The following PTPRD variants were observed in gnomAD, a reference collection of about 807,000 sequenced individuals.
The protein encoded by PTPRD is protein tyrosine phosphatase receptor type D.
PTPRD carries 34 observed loss-of-function variants against 214.5 expected under a neutral mutation model. That is an observed-to-expected ratio of 0.16 (90% CI 0.12 to 0.21). The LOEUF (loss-of-function observed/expected upper bound fraction) is 0.21. Among genes scored for constraint, PTPRD ranks in the 10% least tolerant of loss-of-function variants. The pLI, the probability that PTPRD is intolerant of heterozygous loss-of-function variation, is 1.00. For missense variants in PTPRD, 2,545 were observed against 2,398.7 expected (o/e 1.06, Z -1.27); for synonymous variants, 1,128 against 845.7 (o/e 1.33, Z -5.79).
At chr9:8,511,507 T>G (rs963305068) in intron 21 of PTPRD, among the ~76,000 whole-genome samples, 7 of 152,164 alleles carry the variant, frequency 4.6e-5, no homozygotes, top group Non-Finnish European at 7.4e-5. Flanking sequence ...TTCAAGAGTT[T>G]TTCTGTGTTG....
intron 2 of PTPRD, among the ~76,000 whole-genome samples, chr9:10,491,638 A>T (rs1364781853): frequency 6.6e-6 from 1 of 152,152 alleles, no homozygotes. Context: ...AGGCCCCATT[A>T]AAAGACCTGG....
chr9:8,490,048 T>C (rs2097118479), intron 27 of PTPRD, among the ~76,000 whole-genome samples: 2 of 152,168 alleles, frequency 1.3e-5, no homozygotes, highest in African/African-American at 4.8e-5. Flanking sequence ...TGTAGACTAC[T>C]TTTATAAGTC....
At chr9:9,879,579 T>C (rs1296722512) in intron 5 of PTPRD, among the ~76,000 whole-genome samples, 2 of 152,306 alleles carry the variant, frequency 1.3e-5, no homozygotes, top group East Asian at 1.9e-4. Context: ...GCAACAATTA[T>C]ATATTTTTTT....
At chr9:10,501,733 T>C (rs187084519) in intron 2 of PTPRD, among the ~76,000 whole-genome samples, 10 of 152,152 alleles carry the variant, frequency 6.6e-5, no homozygotes, top group African/African-American at 2.4e-4. Flanking sequence ...GTAGGATATA[T>C]TAATAGAGTG....
chr9:9,576,852 T>C (rs1412718349), intron 7 of PTPRD, among the ~76,000 whole-genome samples: 3 of 152,180 alleles, frequency 2.0e-5, no homozygotes, highest in Admixed American at 6.5e-5. Flanking sequence ...AGGCACTGTG[T>C]TGCATATTTG....
intron 9 of PTPRD, among the ~76,000 whole-genome samples, chr9:9,264,835 G>A (rs1484951669): frequency 4.0e-5 from 6 of 150,642 alleles, no homozygotes; most frequent in Non-Finnish European, 7.4e-5. Context: ...ATTATCAGCC[G>A]ATTTTTCAGC....
At chr9:10,192,091 T>C (rs1031531852) in intron 3 of PTPRD, among the ~76,000 whole-genome samples, 4 of 152,142 alleles carry the variant, frequency 2.6e-5, no homozygotes, top group Non-Finnish European at 5.9e-5. Flanking sequence ...ATACATATTT[T>C]ATCATAACTG....
At chr9:8,923,188 C>A (rs993751900) in intron 11 of PTPRD, among the ~76,000 whole-genome samples, 1 of 150,898 alleles carries the variant, frequency 6.6e-6, no homozygotes, top group Admixed American at 6.6e-5. Context: ...ATTACAGGCG[C>A]CTGCCACCAC....
At chr9:10,230,851 G>C (rs2099606947) in intron 3 of PTPRD, among the ~76,000 whole-genome samples, 1 of 152,076 alleles carries the variant, frequency 6.6e-6, no homozygotes, top group East Asian at 1.9e-4. Context: ...GTTGTGGAAG[G>C]AGCACTGTCC....
chr9:8,665,580 T>G (rs1242066675), intron 12 of PTPRD, among the ~76,000 whole-genome samples: 1 of 152,232 alleles, frequency 6.6e-6, no homozygotes, highest in Non-Finnish European at 1.5e-5. Context: ...ACATTCATTC[T>G]ACCCATCTAA....
chr9:9,763,821 A>G (rs2098682616), intron 6 of PTPRD, among the ~76,000 whole-genome samples: 1 of 152,058 alleles, frequency 6.6e-6, no homozygotes, highest in South Asian at 2.1e-4. Context: ...TCCTTTTGTC[A>G]TGTCACAGAA....
At chr9:8,336,184 G>A (rs1300924405) in intron 43 of PTPRD, among the ~76,000 whole-genome samples, 1 of 148,760 alleles carries the variant, frequency 6.7e-6, no homozygotes, top group Non-Finnish European at 1.5e-5. Flanking sequence ...AGGCTTGAGA[G>A]ATCATGCTAC....
intron 3 of PTPRD, among the ~76,000 whole-genome samples, chr9:10,266,986 C>A (rs867857448): frequency 7.2e-5 from 11 of 151,756 alleles, no homozygotes; most frequent in South Asian, 2.1e-4. Flanking sequence ...GTCAGGAGTT[C>A]GAGACCAGCC....
chr9:8,694,297 A>G (rs1256857870), intron 12 of PTPRD, among the ~76,000 whole-genome samples: 1 of 152,200 alleles, frequency 6.6e-6, no homozygotes, highest in African/African-American at 2.4e-5. Context: ...TAAAAGTTGT[A>G]ATTTTTTTTT....
At chr9:9,838,425 C>T (rs1363493354) in intron 5 of PTPRD, among the ~76,000 whole-genome samples, 1 of 152,076 alleles carries the variant, frequency 6.6e-6, no homozygotes, top group East Asian at 1.9e-4. Flanking sequence ...TCCTCTCCAG[C>T]ACCTGTTGTT....
At chr9:8,867,028 G>T (rs963557736) in intron 11 of PTPRD, among the ~76,000 whole-genome samples, 4 of 152,118 alleles carry the variant, frequency 2.6e-5, no homozygotes, top group African/African-American at 7.2e-5. Context: ...ATATTGAAAG[G>T]CCTCTTTATT....
At chr9:8,709,514 C>CAAA (rs758112672) in intron 12 of PTPRD, among the ~76,000 whole-genome samples, 2 of 56,280 alleles carry the variant, frequency 3.6e-5, no homozygotes, top group African/African-American at 7.6e-5. Context: ...GACTCCATCT[C>CAAA]AAAAAAAAAA....
intron 12 of PTPRD, chr9:8,713,693 T>C: frequency 2.0e-6 from 3 of 1,513,170 alleles, no homozygotes; most frequent in Non-Finnish European, 2.7e-6. Flanking sequence ...CAGATCATGA[T>C]GGTGGAAGAG....
intron 9 of PTPRD, among the ~76,000 whole-genome samples, chr9:9,396,434 G>A (rs1237971139): frequency 2.0e-5 from 3 of 151,926 alleles, no homozygotes; most frequent in Non-Finnish European, 4.4e-5. Flanking sequence ...ACATATTAAG[G>A]TTTGAGAAGC....
Sources: allele counts gnomAD v4.1 joint callset (sites outside exome capture counted in the v4.1 genomes callset), GRCh38; gene constraint gnomAD v4.1.1; transcripts MANE v1.5; gene names NCBI Gene and HGNC (gene_info 2026-07-23, HGNC 2026-07-21).